GABRP: variants seen among roughly 807,000 people sequenced by gnomAD.
GABRP encodes gamma-aminobutyric acid type A receptor subunit pi.
A neutral mutation model predicts 47.8 loss-of-function variants in GABRP; 52 were observed. The observed-to-expected ratio is 1.09, with a 90% confidence interval of 0.87 to 1.37. GABRP has a LOEUF of 1.37. Ranked by LOEUF, GABRP falls within the 40% of genes most tolerant of loss-of-function variation. The pLI, the probability that GABRP is intolerant of heterozygous loss-of-function variation, is 0.00. For missense variants in GABRP, 525 were observed against 542.8 expected (o/e 0.97, Z 0.33); for synonymous variants, 221 against 205.8 (o/e 1.07, Z -0.63).
Position 170,813,129 on chromosome 5 carries a change from G to A in GABRP, c.*871G>A, listed in dbSNP as rs1451372458. ...TGGGCTGTTGCCATGAAGGCTTGCA[G>A]AATTGAGTCCATTTTCTAGCTGCCT... On this transcript the variant is annotated 3_prime_UTR_variant, in exon 10 of 10. Transcript: ENST00000265294. The A allele has an allele frequency of 6.6e-6, 1 of 152,180 alleles. No homozygotes were observed. Among genetic ancestry groups the A allele is most frequent in the Non-Finnish European group, 1.5e-5 (1 of 68,034 alleles). The allele number at this position is 152,180 out of a possible 1,614,324, so 9.4% of individuals were successfully genotyped here.
At chr5:170,785,278 G>T (rs1765098392) in intron 1 of GABRP, among the ~76,000 whole-genome samples, 1 of 152,152 alleles carries the variant, frequency 6.6e-6, no homozygotes, top group Non-Finnish European at 1.5e-5. Flanking sequence ...CCTCCTAAAT[G>T]CAGGGCAAAG....
At chr5:170,810,210 A>G in intron 9 of GABRP, 1 of 439,884 alleles carries the variant, frequency 2.3e-6, no homozygotes, top group South Asian at 5.4e-5. Flanking sequence ...TGGTGAGCAT[A>G]TTTTTCTGCT....
rs73800953 is a variant in GABRP at position 170,785,365 on chromosome 5, G to C, written c.-43+1491G>C. On this transcript the variant is annotated intron_variant, in intron 1 of 9. Coordinates refer to ENST00000265294, the MANE Select transcript of GABRP (RefSeq NM_014211.3). Reference sequence around the variant, plus strand: ...CAGCCAAATCCCCTTGCAAATCTAAGATTTGACTCTAAAAATTAACACCTT... The same window carrying C: ...CAGCCAAATCCCCTTGCAAATCTAACATTTGACTCTAAAAATTAACACCTT... 7.4e-3 allele frequency among the ~76,000 whole-genome samples: 1,121 copies of C among 152,282 alleles called. 21 individuals are homozygous for C. The highest frequency in any genetic ancestry group is 0.025 in the African/African-American group (1,046 of 41,542).
chr5:170,805,318 T>C (rs886822432), intron 6 of GABRP, among the ~76,000 whole-genome samples: 17 of 152,180 alleles, frequency 1.1e-4, no homozygotes, highest in African/African-American at 3.9e-4. Flanking sequence ...TATAGAAATA[T>C]GAACAGATCA....
chr5:170,785,712 C>T lies in GABRP; in HGVS notation c.-43+1838C>T, dbSNP rs151002552. ...CTGAAGACTGGATGGTTCCCCAAAT[C>T]ACTTGATCGAGGGCCATTTCCTATA... On this transcript the variant is annotated intron_variant, in intron 1 of 9. Transcript: ENST00000265294. 5.0e-4 allele frequency among the ~76,000 whole-genome samples: 76 copies of T among 152,298 alleles called. 2 individuals are homozygous for T. The highest frequency in any genetic ancestry group is 1.8e-3 in the African/African-American group (73 of 41,568).
At chr5:170,784,142 G>T (rs960327857) in intron 1 of GABRP, among the ~76,000 whole-genome samples, 5 of 152,186 alleles carry the variant, frequency 3.3e-5, no homozygotes, top group African/African-American at 1.2e-4. Flanking sequence ...TATCTTCTGG[G>T]ATTTTCTTAA....
intron 6 of GABRP, among the ~76,000 whole-genome samples, chr5:170,804,982 T>TTATATTATATATTATATATATTA (rs1765690205): frequency 3.2e-5 from 2 of 63,034 alleles, no homozygotes; most frequent in African/African-American, 4.4e-4. Context: ...ATATTATATA[T>TTATATTATATATTATATATATTA]TATATTATAT....
intron 3 of GABRP, among the ~76,000 whole-genome samples, chr5:170,790,908 T>G (rs745686927): frequency 6.6e-6 from 1 of 152,042 alleles, no homozygotes; most frequent in Non-Finnish European, 1.5e-5. Flanking sequence ...CAGTTGGAGA[T>G]GGGAGAGATG....
At chr5:170,798,245 G>T (rs1263262865) in intron 6 of GABRP, among the ~76,000 whole-genome samples, 6 of 152,146 alleles carry the variant, frequency 3.9e-5, no homozygotes. Context: ...GTTTCACCAT[G>T]TTAGCCAGGA....
chr5:170,790,653 G>C (rs1037547520), intron 3 of GABRP, among the ~76,000 whole-genome samples: 20 of 152,044 alleles, frequency 1.3e-4, no homozygotes, highest in Non-Finnish European at 2.8e-4. Context: ...AGGGAGGTTG[G>C]GTGGAAGCAT....
chr5:170,791,752 C>T (rs539091057), intron 3 of GABRP, among the ~76,000 whole-genome samples: 6 of 152,294 alleles, frequency 3.9e-5, no homozygotes, highest in East Asian at 1.9e-4. Context: ...AAGTAGATGC[C>T]GTAACCGTGC....
intron 6 of GABRP, among the ~76,000 whole-genome samples, chr5:170,797,817 G>T (rs1462977529): frequency 6.6e-6 from 1 of 152,170 alleles, no homozygotes; most frequent in African/African-American, 2.4e-5. Context: ...TAATGTAGTT[G>T]GTGGTCTAGG....
chr5:170,804,283 G>C (rs184602758), intron 6 of GABRP, among the ~76,000 whole-genome samples: 375 of 151,614 alleles, frequency 2.5e-3, no homozygotes, highest in Non-Finnish European at 4.7e-3. Context: ...TGAACATTTG[G>C]TTTCCACCTT....
Position 170,802,270 on chromosome 5 carries a change from A to G in GABRP, c.542-3446A>G, listed in dbSNP as rs564224323. ...AAACTGGGGCACCTGTGATAGGCAAACAACATTGCAGATATGATTTATTAA... is the reference window on the plus strand; with the variant it reads ...AAACTGGGGCACCTGTGATAGGCAAGCAACATTGCAGATATGATTTATTAA... On this transcript the variant is annotated intron_variant, in intron 6 of 9. Coordinates refer to ENST00000265294, the MANE Select transcript of GABRP (RefSeq NM_014211.3). Among the ~76,000 whole-genome samples the G allele has an allele frequency of 3.3e-5, 5 of 152,200 alleles. No homozygotes were observed. The South Asian group carries it at 8.3e-4, about 25-fold the overall frequency.
chr5:170,795,066 T>C lies in GABRP; in HGVS notation c.241-142T>C, dbSNP rs918637475. 11 of 683,914 alleles carry C rather than the reference T, an allele frequency of 1.6e-5. No individual in the cohort carries two copies. The African/African-American group carries it at 2.0e-4, about 12-fold the overall frequency. The allele number at this position is 683,914 out of a possible 1,614,324, so 42.4% of individuals were successfully genotyped here. On this transcript the variant is annotated intron_variant, in intron 4 of 9. Transcript: ENST00000265294. ...TAGTGGCATATTGCAATTAGAATGG[T>C]AACTTTATTCACCAAAGTCTGTGTA...
intron 6 of GABRP, among the ~76,000 whole-genome samples, chr5:170,799,426 A>G (rs1765528265): frequency 1.3e-5 from 2 of 152,164 alleles, no homozygotes. Context: ...ATTTCTCCAC[A>G]TCCTCTCCAG....
chr5:170,808,796 G>T (rs779465668), intron 8 of GABRP, 44 bp downstream of exon 8: 7 of 1,576,006 alleles, frequency 4.4e-6, no homozygotes, highest in East Asian at 2.2e-5. Flanking sequence ...GGCTTATCAG[G>T]TTACTTACTT....
At chr5:170,795,465 G>A (rs766665130) in intron 5 of GABRP, 40 bp downstream of exon 5, 3 of 1,533,942 alleles carry the variant, frequency 2.0e-6, no homozygotes, top group Non-Finnish European at 2.7e-6. Flanking sequence ...GAGGACGGCA[G>A]CTGGGAGAAA....
At chr5:170,793,409 C>G (rs1454337451) in intron 3 of GABRP, among the ~76,000 whole-genome samples, 2 of 152,168 alleles carry the variant, frequency 1.3e-5, no homozygotes, top group Non-Finnish European at 2.9e-5. Flanking sequence ...CTCTCTCTCT[C>G]TGAAGTTCAA....
Sources: allele counts gnomAD v4.1 joint callset (sites outside exome capture counted in the v4.1 genomes callset), GRCh38; gene constraint gnomAD v4.1.1; transcripts MANE v1.5; gene names NCBI Gene and HGNC (gene_info 2026-07-23, HGNC 2026-07-21).